The following ENPP2 variants were observed in gnomAD, a reference collection of about 807,000 sequenced individuals.
The protein encoded by ENPP2 is autotaxin.
A neutral mutation model predicts 120.2 loss-of-function variants in ENPP2; 51 were observed. The ratio of observed to expected loss-of-function variants is 0.42; its 90% CI spans 0.34 to 0.54. The LOEUF is 0.54. ENPP2 is among the 20% of genes least tolerant of loss of function. The pLI is 0.04. For missense variants in ENPP2, 920 were observed against 1,066.5 expected, an observed-to-expected ratio of 0.86 and a Z score of 1.91; for synonymous variants, 365 against 366.4, an observed-to-expected ratio of 1.00 and a Z score of 0.04.
intron 1 of ENPP2, among the ~76,000 whole-genome samples, chr8:119,656,181 T>C (rs16892915): frequency 0.018 from 2,814 of 152,322 alleles, 85 homozygotes; most frequent in African/African-American, 0.064. Flanking sequence ...TTCTCCTTTT[T>C]TCAATCTTCC....
At chr8:119,623,357 C>T (rs1167248295) in intron 3 of ENPP2, among the ~76,000 whole-genome samples, 1 of 151,914 alleles carries the variant, frequency 6.6e-6, no homozygotes, top group Non-Finnish European at 1.5e-5. Context: ...CCCAGCTACT[C>T]AGGAGGCTGA....
At chr8:119,569,627 A>G (rs1458995217) in intron 20 of ENPP2, among the ~76,000 whole-genome samples, 9 of 152,100 alleles carry the variant, frequency 5.9e-5, no homozygotes, top group Admixed American at 5.9e-4. Context: ...AGAAAGCAGA[A>G]CATAAAGCAG....
intron 1 of ENPP2, among the ~76,000 whole-genome samples, chr8:119,648,492 A>G (rs78747544): frequency 6.6e-6 from 1 of 152,236 alleles, no homozygotes; most frequent in East Asian, 1.9e-4. Context: ...CCACAATAAT[A>G]AAGCCCCTCT....
At chr8:119,617,334 CTTCACTTCTG>C in intron 6 of ENPP2, 91 bp from the exon 7 acceptor site, 2 of 1,180,758 alleles carry the variant, frequency 1.7e-6, no homozygotes, top group Non-Finnish European at 2.5e-6. Context: ...CATGTGTTAC[CTTCACTTCTG>C]TATTTCAAAT....
At chr8:119,639,074 T>C (rs1175543349), upstream of ENPP2, among the ~76,000 whole-genome samples, 1 of 152,172 alleles carries the variant, frequency 6.6e-6, no homozygotes, top group Non-Finnish European at 1.5e-5. Context: ...TTTGTTACAT[T>C]GCCGTGGCCC....
chr8:119,598,801 A>G (rs16892849), intron 11 of ENPP2, among the ~76,000 whole-genome samples: 5,597 of 152,248 alleles, frequency 0.037, 346 homozygotes, highest in African/African-American at 0.13. Context: ...AAATGGTTCC[A>G]TGGAAGGGAG....
chr8:119,582,687 T>C (rs73329808), intron 17 of ENPP2, 85 bp from the exon 18 acceptor site: 41,150 of 987,688 alleles, frequency 0.042, 983 homozygotes, highest in Non-Finnish European at 0.047. Flanking sequence ...TCACCTTCTA[T>C]GGGTCTGAAA....
intron 12 of ENPP2, among the ~76,000 whole-genome samples, chr8:119,593,464 G>A (rs1032370390): frequency 1.3e-5 from 2 of 152,180 alleles, no homozygotes; most frequent in East Asian, 3.8e-4. Context: ...AATGTCACAA[G>A]GAAACTGTCT....
intron 1 of ENPP2, among the ~76,000 whole-genome samples, chr8:119,661,339 A>G (rs111417036): frequency 0.012 from 1,765 of 152,332 alleles, 41 homozygotes; most frequent in African/African-American, 0.04. Context: ...AAAATAAAAA[A>G]TAATGGTTGA....
At chr8:119,595,911 G>A in intron 11 of ENPP2, 1 of 1,613,842 alleles carries the variant, frequency 6.2e-7, no homozygotes. Flanking sequence ...TCTTTTCTTT[G>A]GAGGAGCAAC....
intron 1 of ENPP2, among the ~76,000 whole-genome samples, chr8:119,671,449 G>A (rs1441489360): frequency 2.0e-5 from 3 of 152,204 alleles, no homozygotes; most frequent in Non-Finnish European, 4.4e-5. Flanking sequence ...CAGTGGTGGG[G>A]GAGGTGGAGA....
At chr8:119,607,786 T>C in intron 9 of ENPP2, 136 bp downstream of exon 9, 1 of 603,836 alleles carries the variant, frequency 1.7e-6, no homozygotes. Flanking sequence ...ACCTGGAAGG[T>C]TATTTTGATT....
intron 1 of ENPP2, among the ~76,000 whole-genome samples, chr8:119,665,704 T>A (rs886225764): frequency 6.6e-5 from 10 of 152,216 alleles, no homozygotes; most frequent in African/African-American, 2.4e-4. Context: ...TATATACACA[T>A]ATGTAAAAAT....
chr8:119,657,309 A>G (rs991775845), intron 1 of ENPP2, among the ~76,000 whole-genome samples: 1 of 152,218 alleles, frequency 6.6e-6, no homozygotes, highest in African/African-American at 2.4e-5. Flanking sequence ...TGGTAGAGAA[A>G]TGATTTAAAC....
In ENPP2 at chr8:119,569,293, C is replaced by T; in HGVS notation, c.1995G>A (p.Gln665=). Residue 665 remains glutamine, a synonymous_variant, in exon 21 of 25, where the codon CAG becomes CAA. Coordinates refer to ENST00000075322, the MANE Select transcript of ENPP2 (RefSeq NM_001040092.3). ...TATCATTTTTGTAGGCCAAACAGTT[C>T]TGACTGAAACTCGGAGAAACACGGA... ...PDVRVSPSFS[Q]NCLAYKNDKQ... The T allele has an allele frequency of 1.2e-6, 2 of 1,614,014 alleles. No individual in the cohort carries two copies. Among genetic ancestry groups the T allele is most frequent in the Non-Finnish European group, 1.7e-6 (2 of 1,179,982 alleles).
rs750787136 is a variant in ENPP2, at chr8:119,617,448, A to G, written c.577+18T>C. On this transcript the variant is annotated intron_variant, in intron 6 of 24. Coordinates refer to ENST00000075322, the MANE Select transcript of ENPP2 (RefSeq NM_001040092.3). ...TCCTAGATTACAGATAAGAACACAGAGTATGGAAATTACTTACTTAGTTTT... is the reference window on the plus strand; with the variant it reads ...TCCTAGATTACAGATAAGAACACAGGGTATGGAAATTACTTACTTAGTTTT... 2.0e-6 allele frequency: 3 copies of G among 1,523,656 alleles called. No homozygotes were observed. In the Admixed American group the frequency reaches 5.1e-5, roughly 26 times the overall value. The allele number at this position is 1,523,656 out of a possible 1,614,324, so 94.4% of individuals were successfully genotyped here.
chr8:119,604,176 T>A (rs1200962001), intron 9 of ENPP2, among the ~76,000 whole-genome samples: 1 of 151,970 alleles, frequency 6.6e-6, no homozygotes, highest in Non-Finnish European at 1.5e-5. Context: ...TAAAGGTGCC[T>A]GCCACCACGC....
intron 1 of ENPP2, among the ~76,000 whole-genome samples, chr8:119,653,480 C>A (rs1204966037): frequency 6.6e-6 from 1 of 152,088 alleles, no homozygotes; most frequent in Non-Finnish European, 1.5e-5. Flanking sequence ...TGAACAGAGA[C>A]CCGGATGACA....
chr8:119,559,633 CTG>C (rs1175842190), intron 24 of ENPP2, among the ~76,000 whole-genome samples: 2 of 152,202 alleles, frequency 1.3e-5, no homozygotes, highest in African/African-American at 4.8e-5. Context: ...CTGATGAAGA[CTG>C]TGCTGCAAGA....
Sources: gnomAD v4.1 joint callset for allele counts (sites outside exome capture counted in the v4.1 genomes callset) on GRCh38, gnomAD v4.1.1 for gene constraint, MANE v1.5 for transcripts, NCBI Gene and HGNC (gene_info 2026-07-23, HGNC 2026-07-21) for gene names.